Variants in ACCSL observed in about 807,000 individuals in gnomAD.
ACCSL encodes probable inactive 1-aminocyclopropane-1-carboxylate synthase-like protein 2.
In ACCSL, 55 loss-of-function variants were observed where a neutral mutation model predicts 61.7. That is an observed-to-expected ratio of 0.89 (90% CI 0.72 to 1.12). The LOEUF is 1.12. Among genes scored for constraint, ACCSL ranks in the 50% most tolerant of loss-of-function variants. ACCSL has a pLI of 0.00. For synonymous variants in ACCSL, 258 were observed against 264.3 expected, an observed-to-expected ratio of 0.98 and a Z score of 0.23; for missense variants, 632 against 698.0, an observed-to-expected ratio of 0.91 and a Z score of 1.07.
chr11:43,999,334 A>G, the ACCSL span, among the ~76,000 whole-genome samples: 2 of 152,202 alleles, frequency 1.3e-5, no homozygotes, highest in Non-Finnish European at 2.9e-5. Context: ...CTGGGTCAGG[A>G]ATACAGGCAC....
Position 44,058,688 on chromosome 11 carries a change from G to A in ACCSL, c.1613G>A (p.Arg538Gln), listed in dbSNP as rs764834531. The change falls in exon 13 of 14, where the codon CGG becomes CAG. Residue 538 changes from arginine (R) to glutamine (Q), a missense_variant. Arg to Gln is a conservative substitution (Grantham distance 43). Coordinates refer to ENST00000378832, the MANE Select transcript of ACCSL (RefSeq NM_001031854.2). The part of the protein sequence containing the change: ...FCLIFADELP[R>Q]LKLAMRRFCD... Reference sequence around the variant, plus strand: ...CTCATCTTTGCAGATGAGCTCCCCCGGCTAAAATTGGGTGAGTGGAGCTGA... The same window carrying A: ...CTCATCTTTGCAGATGAGCTCCCCCAGCTAAAATTGGGTGAGTGGAGCTGA... 8.0e-5 allele frequency: 129 copies of A among 1,610,042 alleles called. No homozygotes were observed. Among genetic ancestry groups the A allele is most frequent in the Non-Finnish European group, 1.0e-4 (120 of 1,177,468 alleles).
chr11:43,947,984 C>T, the ACCSL span, among the ~76,000 whole-genome samples: 1 of 152,234 alleles, frequency 6.6e-6, no homozygotes, highest in African/African-American at 2.4e-5. Context: ...GCCTGGGCTT[C>T]AGCCTGCAGT....
chr11:43,928,663 G>A, the ACCSL span, among the ~76,000 whole-genome samples: 4 of 152,172 alleles, frequency 2.6e-5, 1 homozygote, highest in Admixed American at 6.5e-5. Context: ...CATGGAGGAC[G>A]CAGGAGCTGG....
the ACCSL span, among the ~76,000 whole-genome samples, chr11:44,027,437 G>A: frequency 6.6e-6 from 1 of 152,206 alleles, no homozygotes. Context: ...TTTCTTATAT[G>A]TAAAGTAAAT....
intron 1 of ACCSL, among the ~76,000 whole-genome samples, chr11:44,048,863 G>T (rs1445792290): frequency 6.6e-6 from 1 of 152,138 alleles, no homozygotes; most frequent in East Asian, 1.9e-4. Context: ...CAGCCACTGG[G>T]GCACAGGCAT....
intron 8 of ACCSL, 64 bp from the exon 9 acceptor site, chr11:44,055,138 C>A: frequency 1.7e-6 from 2 of 1,166,646 alleles, no homozygotes; most frequent in Non-Finnish European, 2.5e-6. Flanking sequence ...TTGTAAAAAG[C>A]ATGCAAAGAA....
chr11:44,041,361 A>G, the ACCSL span, among the ~76,000 whole-genome samples: 1 of 152,224 alleles, frequency 6.6e-6, no homozygotes, highest in Admixed American at 6.5e-5. Context: ...TTTTTAGCTA[A>G]GTGACCAGCC....
the ACCSL span, among the ~76,000 whole-genome samples, chr11:44,030,855 A>C: frequency 1.3e-5 from 2 of 152,282 alleles, no homozygotes; most frequent in Non-Finnish European, 1.5e-5. Flanking sequence ...CATCTAACAC[A>C]TGATCACACA....
the ACCSL span, among the ~76,000 whole-genome samples, chr11:44,012,711 G>A: frequency 1.3e-5 from 2 of 152,232 alleles, no homozygotes; most frequent in Non-Finnish European, 2.9e-5. Context: ...TGTGTGCAGA[G>A]ATAGACATAT....
chr11:44,051,313 G>C, intron 3 of ACCSL, 22 bp from the exon 4 acceptor site: 1 of 1,614,030 alleles, frequency 6.2e-7, no homozygotes, highest in Non-Finnish European at 8.5e-7. Flanking sequence ...AAGCCACAAG[G>C]TCTCTCTGGG....
chr11:43,927,616 A>G, the ACCSL span, among the ~76,000 whole-genome samples: 2 of 152,136 alleles, frequency 1.3e-5, no homozygotes, highest in African/African-American at 4.8e-5. Flanking sequence ...TACATCTCTG[A>G]TTGTTTCTTA....
the ACCSL span, among the ~76,000 whole-genome samples, chr11:43,969,074 C>A: frequency 2.0e-5 from 3 of 152,120 alleles, no homozygotes; most frequent in African/African-American, 4.8e-5. Flanking sequence ...TGATGCTGGG[C>A]AGAGTGGCTC....
the ACCSL span, among the ~76,000 whole-genome samples, chr11:43,939,870 G>A: frequency 0.011 from 1,638 of 152,282 alleles, 23 homozygotes; most frequent in East Asian, 0.039. Flanking sequence ...GCCTCCCAAA[G>A]TTCTGGGATT....
At chr11:43,987,671 T>C in the ACCSL span, among the ~76,000 whole-genome samples, 1 of 152,016 alleles carries the variant, frequency 6.6e-6, no homozygotes, top group South Asian at 2.1e-4. Flanking sequence ...ACAGCGGTCA[T>C]CCAGGCCAGG....
the ACCSL span, among the ~76,000 whole-genome samples, chr11:43,991,894 C>T: frequency 2.2e-3 from 340 of 152,238 alleles, 2 homozygotes; most frequent in African/African-American, 7.2e-3. Flanking sequence ...TCTCATTGCT[C>T]CTCAGACAAT....
At chr11:43,950,253 A>T in the ACCSL span, among the ~76,000 whole-genome samples, 2 of 152,116 alleles carry the variant, frequency 1.3e-5, no homozygotes, top group Admixed American at 1.3e-4. Context: ...TATAAAACCA[A>T]CCTGTGCCCT....
chr11:43,984,791 A>T, the ACCSL span, among the ~76,000 whole-genome samples: 1 of 152,184 alleles, frequency 6.6e-6, no homozygotes, highest in Non-Finnish European at 1.5e-5. Context: ...TTCCTGTCAC[A>T]GCCTTGCCCA....
chr11:43,972,058 C>G, the ACCSL span, among the ~76,000 whole-genome samples: 1 of 152,166 alleles, frequency 6.6e-6, no homozygotes, highest in South Asian at 2.1e-4. Context: ...CCTTACATCT[C>G]CTGGGTCTAC....
the ACCSL span, among the ~76,000 whole-genome samples, chr11:44,033,185 C>T: frequency 6.6e-6 from 1 of 152,120 alleles, no homozygotes; most frequent in Non-Finnish European, 1.5e-5. Flanking sequence ...ATAACCTCTC[C>T]AGCCCTCCTC....
Sources: gnomAD v4.1 joint callset for allele counts (sites outside exome capture counted in the v4.1 genomes callset) on GRCh38, gnomAD v4.1.1 for gene constraint, MANE v1.5 for transcripts, NCBI Gene and HGNC (gene_info 2026-07-23, HGNC 2026-07-21) for gene names.